The following DYTN variants were observed in gnomAD, a reference collection of about 807,000 sequenced individuals.
DYTN encodes dystrotelin.
DYTN carries 75 observed loss-of-function variants against 69.6 expected under a neutral mutation model. The observed-to-expected ratio is 1.08, with a 90% CI of 0.89 to 1.31. The LOEUF is 1.31. DYTN is among the 50% of genes most tolerant of loss of function. DYTN has a pLI of 0.00. For missense variants in DYTN, 726 were observed against 688.4 expected, an observed-to-expected ratio of 1.05 and a Z score of -0.61; for synonymous variants, 252 against 249.1, an observed-to-expected ratio of 1.01 and a Z score of -0.11.
Position 206,707,506 on chromosome 2 carries a change from G to A in DYTN, c.95-3C>T, listed in dbSNP as rs1394076607. The A allele has an allele frequency of 7.5e-6, 12 of 1,605,496 alleles. No individual in the cohort carries two copies. Among genetic ancestry groups the A allele is most frequent in the Non-Finnish European group, 1.0e-5 (12 of 1,176,024 alleles). ...CAGGGAGCTGTCAATCAAGTCCACT[G>A]TAGGAAGCAAATGAAGAATTGAGCC... On this transcript the variant is annotated splice_polypyrimidine_tract_variant and splice_region_variant and intron_variant, in intron 2 of 11. Coordinates refer to ENST00000452335, the MANE Select transcript of DYTN (RefSeq NM_001093730.1).
chr2:206,693,047 C>A, intron 9 of DYTN, 128 bp downstream of exon 9: 2 of 1,333,754 alleles, frequency 1.5e-6, no homozygotes, highest in Non-Finnish European at 2.0e-6. Context: ...ATCTGAAGTC[C>A]AACCCTCACC....
rs1015712535 is a variant in DYTN at position 206,651,712 on chromosome 2, T to C, written c.*106A>G. 6.7e-6 allele frequency: 7 copies of C among 1,041,244 alleles called. No individual in the cohort carries two copies. The highest frequency in any genetic ancestry group is 8.5e-6 in the Non-Finnish European group (6 of 706,498). The allele number at this position is 1,041,244 out of a possible 1,614,324, so 64.5% of individuals were successfully genotyped here. A position where few individuals can be genotyped will look rare whatever the true frequency, so the allele number is the denominator to read the frequency against. ...AAACAAAACCTGTTTTCTTCATAGTTCACACTAAACTATTAAAAGAAAGGT... is the reference window on the plus strand; with the variant it reads ...AAACAAAACCTGTTTTCTTCATAGTCCACACTAAACTATTAAAAGAAAGGT... On this transcript the variant is annotated 3_prime_UTR_variant, in exon 12 of 12. Coordinates refer to ENST00000452335, the MANE Select transcript of DYTN (RefSeq NM_001093730.1).
intron 11 of DYTN, among the ~76,000 whole-genome samples, chr2:206,655,869 T>C (rs1359301423): frequency 6.6e-6 from 1 of 152,204 alleles, no homozygotes; most frequent in African/African-American, 2.4e-5. Flanking sequence ...ATTTCAATGT[T>C]CTTAAATTTG....
chr2:206,684,707 C>T lies in DYTN; in HGVS notation c.980+8468G>A, dbSNP rs575503813. Reference sequence around the variant, plus strand: ...CTCTTCTTCTGTGATTGCCTATTTACATATTTTGTGTATTTTCCTCTTCAC... The same window carrying T: ...CTCTTCTTCTGTGATTGCCTATTTATATATTTTGTGTATTTTCCTCTTCAC... On this transcript the variant is annotated intron_variant, in intron 9 of 11. Coordinates refer to ENST00000452335, the MANE Select transcript of DYTN (RefSeq NM_001093730.1). 7.2e-5 allele frequency among the ~76,000 whole-genome samples: 11 copies of T among 152,242 alleles called. 1 individual carries two copies. The South Asian group carries it at 2.1e-3, about 29-fold the overall frequency.
At chr2:206,664,151 CAT>C (rs936872367) in intron 10 of DYTN, among the ~76,000 whole-genome samples, 138 of 151,754 alleles carry the variant, frequency 9.1e-4, no homozygotes, top group African/African-American at 3.1e-3. Context: ...AATATGAACA[CAT>C]GTCTTTTAAA....
chr2:206,652,032 T>C, intron 11 of DYTN, 111 bp from the exon 12 acceptor site: 1 of 972,532 alleles, frequency 1.0e-6, no homozygotes, highest in Non-Finnish European at 1.5e-6. Flanking sequence ...TTTCTTCAGT[T>C]CTCAAGGACA....
chr2:206,699,780 G>A lies in DYTN; in HGVS notation c.666C>T (p.Val222=). The A allele has an allele frequency of 1.2e-6, 2 of 1,613,846 alleles. No homozygotes were observed. Among genetic ancestry groups the A allele is most frequent in the Non-Finnish European group, 1.7e-6 (2 of 1,179,810 alleles). The part of the protein sequence containing the change: ...TCHRLSAAER[V]THPARCTLCR... ...AGAGAGTGCACCGAGCAGGGTGAGTGACCCTTTCAGCAGCTGATAACCGGT... is the reference window on the plus strand; with the variant it reads ...AGAGAGTGCACCGAGCAGGGTGAGTAACCCTTTCAGCAGCTGATAACCGGT... Residue 222 remains valine (V), a synonymous_variant, in exon 7 of 12, where the codon GTC becomes GTT. Transcript: ENST00000452335.
chr2:206,718,182 C>A, intron 1 of DYTN, 79 bp downstream of exon 1: 5 of 1,440,650 alleles, frequency 3.5e-6, no homozygotes, highest in Non-Finnish European at 4.7e-6. Flanking sequence ...TTCTTCAAAT[C>A]AGAGGTCTGA....
chr2:206,710,640 A>C, intron 1 of DYTN, 42 bp from the exon 2 acceptor site: 1 of 1,439,698 alleles, frequency 6.9e-7, no homozygotes, highest in Non-Finnish European at 9.5e-7. Context: ...AGTCTCTCTC[A>C]TTATATAAAT....
chr2:206,655,151 ATTTC>A, intron 11 of DYTN, among the ~76,000 whole-genome samples: 2 of 150,298 alleles, frequency 1.3e-5, no homozygotes, highest in Non-Finnish European at 3.0e-5. Context: ...TGTGGAGATA[ATTTC>A]TTTCTATTCC....
chr2:206,664,679 C>G (rs1020062794), intron 10 of DYTN, among the ~76,000 whole-genome samples: 1 of 152,072 alleles, frequency 6.6e-6, no homozygotes, highest in South Asian at 2.1e-4. Context: ...TATTTACATA[C>G]ATAAAAAACA....
chr2:206,693,393 A>G, intron 8 of DYTN, 70 bp from the exon 9 acceptor site: 1 of 1,536,484 alleles, frequency 6.5e-7, no homozygotes, highest in South Asian at 1.2e-5. Flanking sequence ...CCTTACTTGG[A>G]TGGACTGGCC....
At chr2:206,709,391 G>T (rs566835254) in intron 2 of DYTN, among the ~76,000 whole-genome samples, 1 of 152,154 alleles carries the variant, frequency 6.6e-6, no homozygotes, top group African/African-American at 2.4e-5. Context: ...AGAGGTTGCA[G>T]TGAGCTGAGA....
intron 3 of DYTN, among the ~76,000 whole-genome samples, chr2:206,706,593 G>A (rs919483459): frequency 1.6e-4 from 24 of 151,566 alleles, no homozygotes; most frequent in African/African-American, 5.8e-4. Flanking sequence ...GGGTGATAAT[G>A]TATTTCTTCT....
rs1457471038 is a variant in DYTN at position 206,718,366 on chromosome 2, G to A, written c.-87C>T. 2 of 1,440,486 alleles carry A rather than the reference G, an allele frequency of 1.4e-6. No individual in the cohort carries two copies. Among genetic ancestry groups the A allele is most frequent in the Non-Finnish European group, 1.9e-6 (2 of 1,052,306 alleles). 89.2% of individuals were successfully genotyped at this position (1,440,486 alleles called of 1,614,324 possible). A position where few individuals can be genotyped will look rare whatever the true frequency, so the allele number is the denominator to read the frequency against. On this transcript the variant is annotated 5_prime_UTR_variant, in exon 1 of 12. Coordinates refer to ENST00000452335, the MANE Select transcript of DYTN (RefSeq NM_001093730.1). ...ATTTTAAGCAGAAGGTTTTGCAGCAGAGGAATGAGGACAGGGGAACAAAAA... is the reference window on the plus strand; with the variant it reads ...ATTTTAAGCAGAAGGTTTTGCAGCAAAGGAATGAGGACAGGGGAACAAAAA...
At chr2:206,705,943 A>C (rs1700020991) in intron 3 of DYTN, 70 bp from the exon 4 acceptor site, 3 of 1,524,846 alleles carry the variant, frequency 2.0e-6, no homozygotes, top group Non-Finnish European at 2.7e-6. Flanking sequence ...TGGATGATAA[A>C]AACCATAACT....
At chr2:206,712,292 A>T (rs1700085279) in intron 1 of DYTN, among the ~76,000 whole-genome samples, 1 of 152,178 alleles carries the variant, frequency 6.6e-6, no homozygotes, top group South Asian at 2.1e-4. Flanking sequence ...AAGTTTGAAA[A>T]CTACTGGTAT....
At position 206,714,360 on chromosome 2, in the gene DYTN, G is replaced by A. The variant is rs754515269; in HGVS notation, c.20-3762C>T. On this transcript the variant is annotated intron_variant, in intron 1 of 11. Transcript: ENST00000452335. ...TGGGATTACAGGCGCACACCACCACGCCCGGCTAATTTTTTGTATTTTTAG... is the reference window on the plus strand; with the variant it reads ...TGGGATTACAGGCGCACACCACCACACCCGGCTAATTTTTTGTATTTTTAG... 9.2e-5 allele frequency among the ~76,000 whole-genome samples: 14 copies of A among 152,084 alleles called. No individual in the cohort carries two copies. The East Asian group carries it at 9.6e-4, about 10-fold the overall frequency.
rs765226772 is a variant in DYTN, at chr2:206,663,144, C to A, written c.1392G>T (p.Arg464Ser). ...GCATCTTTTGTGTTTGGCTTTGTGC[C>A]CTGGTGCTGTGCAAAGTGGTCTCTG... ...ESPETTLHST[R>S]AQSQTQKMPQ... Residue 464 changes from arginine to serine, a missense_variant, in exon 11 of 12, where the codon AGG becomes AGT. Coordinates refer to ENST00000452335, the MANE Select transcript of DYTN (RefSeq NM_001093730.1). The A allele has an allele frequency of 2.7e-5, 44 of 1,613,716 alleles. No homozygotes were observed. The South Asian group carries it at 4.5e-4, about 17-fold the overall frequency.
Sources: allele counts gnomAD v4.1 joint callset (sites outside exome capture counted in the v4.1 genomes callset), GRCh38; gene constraint gnomAD v4.1.1; transcripts MANE v1.5; gene names NCBI Gene and HGNC (gene_info 2026-07-23, HGNC 2026-07-21).